Variants in CSMD1 observed in about 807,000 individuals in gnomAD.
CSMD1 encodes CUB and Sushi multiple domains 1.
A neutral mutation model predicts 417.5 loss-of-function variants in CSMD1; 213 were observed. The observed-to-expected ratio is 0.51, with a 90% CI of 0.46 to 0.57. CSMD1 has a LOEUF of 0.57. Ranked by LOEUF, CSMD1 falls within the 20% of genes least tolerant of loss-of-function variation. The pLI is 0.00. For synonymous variants in CSMD1, 2,862 were observed against 1,736.8 expected (o/e 1.65, Z -16.11); for missense variants, 6,923 against 4,529.7 (o/e 1.53, Z -15.17).
chr8:3,654,094 G>C (rs955507732), intron 7 of CSMD1, among the ~76,000 whole-genome samples: 3 of 152,150 alleles, frequency 2.0e-5, no homozygotes, highest in African/African-American at 4.8e-5. Context: ...TTCTGTTAGA[G>C]TAGAGGGTGT....
At chr8:4,123,340 C>T (rs1023551299) in intron 3 of CSMD1, among the ~76,000 whole-genome samples, 3 of 152,182 alleles carry the variant, frequency 2.0e-5, no homozygotes, top group African/African-American at 7.2e-5. Flanking sequence ...AATTAGTAGG[C>T]TCAGTGGGAG....
intron 26 of CSMD1, among the ~76,000 whole-genome samples, chr8:3,273,730 G>C (rs1010856466): frequency 1.3e-5 from 2 of 152,050 alleles, no homozygotes; most frequent in African/African-American, 2.4e-5. Flanking sequence ...AGAGGTGTTT[G>C]TAGTATTCTC....
intron 27 of CSMD1, 42 bp from the exon 28 acceptor site, chr8:3,223,909 G>A (rs779846966): frequency 1.0e-5 from 16 of 1,603,360 alleles, no homozygotes; most frequent in South Asian, 5.5e-5. Flanking sequence ...TAAGGACAGC[G>A]AAGAACGCCT....
intron 5 of CSMD1, among the ~76,000 whole-genome samples, chr8:3,774,406 A>T (rs1023719945): frequency 6.6e-6 from 1 of 152,160 alleles, no homozygotes; most frequent in Non-Finnish European, 1.5e-5. Flanking sequence ...TTTTTCAAAG[A>T]TGCCGTCAGC....
At chr8:4,237,226 C>G (rs1802120237) in intron 3 of CSMD1, among the ~76,000 whole-genome samples, 1 of 152,152 alleles carries the variant, frequency 6.6e-6, no homozygotes, top group Non-Finnish European at 1.5e-5. Flanking sequence ...TTAATTTTTT[C>G]CGAAGTAGAC....
At chr8:3,212,010 G>C (rs922143494) in intron 30 of CSMD1, among the ~76,000 whole-genome samples, 1 of 152,152 alleles carries the variant, frequency 6.6e-6, no homozygotes, top group Non-Finnish European at 1.5e-5. Context: ...ACCTCACCAA[G>C]TGACACCCAC....
At chr8:4,052,762 AT>A (rs1221977939) in intron 3 of CSMD1, among the ~76,000 whole-genome samples, 1 of 151,940 alleles carries the variant, frequency 6.6e-6, no homozygotes, top group East Asian at 1.9e-4. Flanking sequence ...TTAAAAAAAA[AT>A]GGGATATCTG....
At chr8:3,088,017 G>GA in intron 48 of CSMD1, among the ~76,000 whole-genome samples, 1 of 152,278 alleles carries the variant, frequency 6.6e-6, no homozygotes, top group Non-Finnish European at 1.5e-5. Flanking sequence ...CAATGATGTA[G>GA]ATATTAACCT....
intron 28 of CSMD1, 125 bp downstream of exon 28, chr8:3,223,604 A>G (rs763761910): frequency 2.3e-5 from 23 of 979,862 alleles, no homozygotes; most frequent in Admixed American, 4.6e-5. Flanking sequence ...TGTAGTCTCC[A>G]TTAGACACAA....
intron 2 of CSMD1, among the ~76,000 whole-genome samples, chr8:4,515,787 G>C (rs1482007329): frequency 6.6e-6 from 1 of 152,174 alleles, no homozygotes; most frequent in Admixed American, 6.5e-5. Flanking sequence ...ATGAGCCAAA[G>C]ACGGCCTGTG....
intron 66 of CSMD1, among the ~76,000 whole-genome samples, 173 bp from the exon 67 acceptor site, chr8:2,950,516 C>T (rs969342340): frequency 1.3e-5 from 2 of 152,132 alleles, no homozygotes; most frequent in African/African-American, 4.8e-5. Context: ...CCATTTTCCC[C>T]TGAAAATCAC....
At chr8:3,978,834 C>T (rs1813637497) in intron 5 of CSMD1, among the ~76,000 whole-genome samples, 1 of 152,106 alleles carries the variant, frequency 6.6e-6, no homozygotes, top group African/African-American at 2.4e-5. Context: ...GGTCTCGTCT[C>T]CTCTTGATCC....
At chr8:3,982,276 G>A (rs1176777846) in intron 5 of CSMD1, among the ~76,000 whole-genome samples, 3 of 151,344 alleles carry the variant, frequency 2.0e-5, no homozygotes, top group Non-Finnish European at 2.9e-5. Context: ...TTTAAATCCT[G>A]GTCTACATTC....
intron 29 of CSMD1, among the ~76,000 whole-genome samples, 174 bp downstream of exon 29, chr8:3,219,081 A>C (rs1439446075): frequency 6.6e-6 from 1 of 152,078 alleles, no homozygotes; most frequent in African/African-American, 2.4e-5. Context: ...GTAGAAATGC[A>C]CCTCAGGAAT....
At chr8:3,197,770 A>G (rs1796784030) in intron 33 of CSMD1, among the ~76,000 whole-genome samples, 1 of 152,130 alleles carries the variant, frequency 6.6e-6, no homozygotes, top group African/African-American at 2.4e-5. Flanking sequence ...GGCTTCAAAT[A>G]CTTTTTAGGC....
intron 1 of CSMD1, among the ~76,000 whole-genome samples, chr8:4,672,718 G>T (rs1805404019): frequency 6.6e-6 from 1 of 152,016 alleles, no homozygotes; most frequent in Non-Finnish European, 1.5e-5. Flanking sequence ...ATGCACACAT[G>T]GTGACACAAC....
At chr8:4,791,289 G>T (rs1405100700) in intron 1 of CSMD1, among the ~76,000 whole-genome samples, 1 of 152,154 alleles carries the variant, frequency 6.6e-6, no homozygotes, top group African/African-American at 2.4e-5. Context: ...CACGAAGGTG[G>T]GCCTCTTTCC....
chr8:3,699,349 T>G (rs146608084), intron 7 of CSMD1, among the ~76,000 whole-genome samples: 53 of 152,340 alleles, frequency 3.5e-4, no homozygotes, highest in Admixed American at 1.1e-3. Flanking sequence ...TTTACTGACA[T>G]GGATGAATTA....
At chr8:3,876,994 A>G (rs1408589457) in intron 5 of CSMD1, among the ~76,000 whole-genome samples, 2 of 152,222 alleles carry the variant, frequency 1.3e-5, no homozygotes, top group Non-Finnish European at 2.9e-5. Flanking sequence ...ATCTCAAGCA[A>G]TAACATACTT....
Sources: gnomAD v4.1 joint callset for allele counts (sites outside exome capture counted in the v4.1 genomes callset) on GRCh38, gnomAD v4.1.1 for gene constraint, MANE v1.5 for transcripts, NCBI Gene and HGNC (gene_info 2026-07-23, HGNC 2026-07-21) for gene names.